Variants in ZNF235 observed in about 807,000 individuals in gnomAD.
ZNF235 encodes the protein zinc finger protein 235, also known as zfp-93.
ZNF235 carries 25 observed loss-of-function variants against 29.4 expected under a neutral mutation model. That is an observed-to-expected ratio of 0.85 (90% CI 0.62 to 1.19). The LOEUF is 1.19. Ranked by LOEUF, ZNF235 falls within the 50% of genes most tolerant of loss-of-function variation. The probability of loss-of-function intolerance (pLI) is 0.00; values close to 1 mark genes in which losing one functional copy is unlikely to be tolerated. For missense variants in ZNF235, 788 were observed against 885.0 expected, an observed-to-expected ratio of 0.89 and a Z score of 1.39; for synonymous variants, 300 against 295.3, an observed-to-expected ratio of 1.02 and a Z score of -0.16.
intron 4 of ZNF235, among the ~76,000 whole-genome samples, chr19:44,291,480 G>T (rs978766389): frequency 1.3e-5 from 2 of 152,096 alleles, no homozygotes; most frequent in East Asian, 3.9e-4. Flanking sequence ...AAAACAAATA[G>T]CTAGTTCTTT....
In ZNF235 at chr19:44,288,331, A is replaced by C. The variant is rs1339658129; in HGVS notation, c.1104T>G (p.Ile368Met). 6.2e-7 allele frequency: 1 copy of C among 1,613,850 alleles called. No homozygotes were observed. The highest frequency in any genetic ancestry group is 8.5e-7 in the Non-Finnish European group (1 of 1,179,984). ...QSSHLYAHLP[I>M]HTGEKPYRCD... ...ATCTATAGGGCTTCTCTCCTGTGTG[A>C]ATAGGCAAATGAGCATAAAGATGTG... Residue 368 changes from isoleucine to methionine, a missense_variant, in exon 5 of 5, where the codon ATT (isoleucine) becomes ATG (methionine). Ile to Met is a conservative substitution (Grantham distance 10). Coordinates refer to ENST00000291182, the MANE Select transcript of ZNF235 (RefSeq NM_004234.4).
chr19:44,287,953 C>T lies in ZNF235; in HGVS notation c.1482G>A (p.Lys494=). 6.2e-7 allele frequency: 1 copy of T among 1,614,164 alleles called. No homozygotes were observed. The highest frequency in any genetic ancestry group is 1.1e-5 in the South Asian group (1 of 91,086). The part of the protein sequence containing the change: ...EKPYKCEECG[K]GFSSASSFQS... ...GGAAACTTGAGGCTGAACTAAAACC[C>T]TTACCACACTCTTCACATTTATATG... Residue 494 remains lysine (K), a synonymous_variant, in exon 5 of 5, where the codon AAG becomes AAA. Coordinates refer to ENST00000291182, the MANE Select transcript of ZNF235 (RefSeq NM_004234.4).
chr19:44,302,870 ATT>A (rs1424259677), intron 2 of ZNF235, among the ~76,000 whole-genome samples: 1 of 64,742 alleles, frequency 1.5e-5, no homozygotes, highest in Admixed American at 1.6e-4. Context: ...ACTTATATAT[ATT>A]TGTATGTGTT....
At position 44,299,456 on chromosome 19, in the gene ZNF235, C is replaced by T. The variant is rs549075519; in HGVS notation, c.142+150G>A. On this transcript the variant is annotated intron_variant, in intron 3 of 4. Coordinates refer to ENST00000291182, the MANE Select transcript of ZNF235 (RefSeq NM_004234.4). Reference sequence around the variant, plus strand: ...CTCTAGTCTCTGAGCAGTCCCAAAGCCTTGAACAAGGGGACAGAGGCCAGG... The same window carrying T: ...CTCTAGTCTCTGAGCAGTCCCAAAGTCTTGAACAAGGGGACAGAGGCCAGG... 29 of 926,572 alleles carry T rather than the reference C, an allele frequency of 3.1e-5. No individual in the cohort carries two copies. In the East Asian group the frequency reaches 6.5e-4, roughly 21 times the overall value. The allele number at this position is 926,572 out of a possible 1,614,324, so 57.4% of individuals were successfully genotyped here.
chr19:44,299,673 C>T lies in ZNF235; in HGVS notation c.75G>A (p.Leu25=). The change falls in exon 3 of 5, where the codon CTG becomes CTA. Residue 25 remains leucine, a synonymous_variant. Coordinates refer to ENST00000291182, the MANE Select transcript of ZNF235 (RefSeq NM_004234.4). ...GGTACAGCTTCCTCTGGGCAGAGTCCAGCAGCCCCAGCTCCTCCTCAGTGA... is the reference window on the plus strand; with the variant it reads ...GGTACAGCTTCCTCTGGGCAGAGTCTAGCAGCCCCAGCTCCTCCTCAGTGA... ...VAFTEEELGL[L]DSAQRKLYRD... is the part of the protein sequence containing the mutation. 1 of 1,614,116 alleles carries T rather than the reference C, an allele frequency of 6.2e-7. No individual in the cohort carries two copies. Among genetic ancestry groups the T allele is most frequent in the Non-Finnish European group, 8.5e-7 (1 of 1,180,008 alleles).
At chr19:44,291,154 C>T (rs1975579512) in intron 4 of ZNF235, among the ~76,000 whole-genome samples, 1 of 152,018 alleles carries the variant, frequency 6.6e-6, no homozygotes, top group African/African-American at 2.4e-5. Flanking sequence ...ATATTCTAGG[C>T]CATAAAACAA....
chr19:44,287,851 T>A lies in ZNF235; in HGVS notation c.1584A>T (p.Ser528=). Residue 528 remains serine, a synonymous_variant, in exon 5 of 5, where the codon TCA becomes TCT. Transcript: ENST00000291182. ...NVCGKGFSQS[S]YFQAHQRVHT... is the part of the protein sequence containing the mutation. ...GGACTCTCTGATGTGCTTGAAAGTA[T>A]GAACTCTGACTGAAGCCTTTCCCAC... 3 of 1,614,058 alleles carry A rather than the reference T, an allele frequency of 1.9e-6. No individual in the cohort carries two copies. Among genetic ancestry groups the A allele is most frequent in the Non-Finnish European group, 2.5e-6 (3 of 1,180,010 alleles).
In ZNF235 at chr19:44,288,766, G is replaced by A. The variant is rs1375201055; in HGVS notation, c.669C>T (p.His223=). ...TTTTGTGCACTATATTATCATCATG[G>A]TGGTGTGAAATACAACTGAAAATGT... is the stretch of plus-strand genomic sequence containing the variant. ...YVDIFSCISH[H]HDDNIVHKRD... The change falls in exon 5 of 5, where the codon CAC becomes CAT. Residue 223 remains histidine, a synonymous_variant. Transcript: ENST00000291182. The A allele has an allele frequency of 1.9e-6, 3 of 1,613,906 alleles. No homozygotes were observed. Among genetic ancestry groups the A allele is most frequent in the East Asian group, 2.2e-5 (1 of 44,870 alleles).
intron 4 of ZNF235, among the ~76,000 whole-genome samples, chr19:44,298,206 G>A (rs1975681938): frequency 6.6e-6 from 1 of 152,160 alleles, no homozygotes; most frequent in Non-Finnish European, 1.5e-5. Context: ...TGATGCAGAT[G>A]TCATATCTGA....
intron 2 of ZNF235, among the ~76,000 whole-genome samples, chr19:44,301,296 G>A (rs1310768015): frequency 6.6e-6 from 1 of 151,960 alleles, no homozygotes; most frequent in Non-Finnish European, 1.5e-5. Flanking sequence ...CATTTGTTTT[G>A]GCTGGAGTTC....
chr19:44,287,791 A>C lies in ZNF235; in HGVS notation c.1644T>G (p.Cys548Trp). 2 of 1,613,926 alleles carry C rather than the reference A, an allele frequency of 1.2e-6. No homozygotes were observed. Among genetic ancestry groups the C allele is most frequent in the Non-Finnish European group, 1.7e-6 (2 of 1,179,986 alleles). ...TGEKPYKCEVCGKRFNWSLNL... is the reference protein window; with the variant it reads ...TGEKPYKCEVWGKRFNWSLNL... ...TCAAGCTCCAATTGAAGCGCTTCCCACACACTTCACATTTGTATGGTTTTT... is the reference window on the plus strand; with the variant it reads ...TCAAGCTCCAATTGAAGCGCTTCCCCCACACTTCACATTTGTATGGTTTTT... The change falls in exon 5 of 5, where the codon TGT becomes TGG. Residue 548 changes from cysteine to tryptophan, a missense_variant. Physicochemically the swap from Cys to Trp is radical, Grantham distance 215. Coordinates refer to ENST00000291182, the MANE Select transcript of ZNF235 (RefSeq NM_004234.4).
Position 44,288,084 on chromosome 19 carries a change from T to G in ZNF235, c.1351A>C (p.Arg451=). 2 of 1,614,206 alleles carry G rather than the reference T, an allele frequency of 1.2e-6. No individual in the cohort carries two copies. Among genetic ancestry groups the G allele is most frequent in the Non-Finnish European group, 1.7e-6 (2 of 1,180,032 alleles). Residue 451 remains arginine (R), a synonymous_variant, in exon 5 of 5, where the codon AGA becomes CGA. Transcript: ENST00000291182. ...SCSSNLHTHQ[R]VHTEEKPYKC... ...TATGGTTTTTCTTCAGTGTGGACTC[T>G]CTGATGGGTATGAAGATTTGAGCTA...
In ZNF235 at chr19:44,288,090, G is replaced by C. The variant is rs1234572655; in HGVS notation, c.1345C>G (p.His449Asp). ...RFSCSSNLHT[H>D]QRVHTEEKPY... ...TTTTCTTCAGTGTGGACTCTCTGAT[G>C]GGTATGAAGATTTGAGCTACAACTA... Residue 449 changes from histidine to aspartate, a missense_variant, in exon 5 of 5, where the codon CAT becomes GAT. Physicochemically the swap from His to Asp is moderately conservative, Grantham distance 81. Coordinates refer to ENST00000291182, the MANE Select transcript of ZNF235 (RefSeq NM_004234.4). The C allele has an allele frequency of 6.2e-7, 1 of 1,614,128 alleles. No homozygotes were observed. The highest frequency in any genetic ancestry group is 8.5e-7 in the Non-Finnish European group (1 of 1,180,030).
intron 2 of ZNF235, among the ~76,000 whole-genome samples, chr19:44,302,913 C>T (rs1158367224): frequency 2.3e-5 from 3 of 130,392 alleles, no homozygotes; most frequent in Non-Finnish European, 3.1e-5. Flanking sequence ...TAAATATATA[C>T]GTATATATTT....
intron 4 of ZNF235, among the ~76,000 whole-genome samples, chr19:44,295,313 C>T (rs190386347): frequency 6.1e-4 from 93 of 151,756 alleles, no homozygotes; most frequent in African/African-American, 2.1e-3. Context: ...AGGCTAAAAA[C>T]CAAATCAAGA....
rs1282993290 is a variant in ZNF235, at chr19:44,287,343, A to T, written c.2092T>A (p.Phe698Ile). 7 of 1,612,532 alleles carry T rather than the reference A, an allele frequency of 4.3e-6. No homozygotes were observed. Among genetic ancestry groups the T allele is most frequent in the Non-Finnish European group, 5.9e-6 (7 of 1,179,532 alleles). ...CGKGFSQASH[F>I]HTHQRVHTGE... ...GTGTGGACTCTCTGGTGTGTGTGAAAATGTGAGGCCTGACTGAAGCCCTTC... is the reference window on the plus strand; with the variant it reads ...GTGTGGACTCTCTGGTGTGTGTGAATATGTGAGGCCTGACTGAAGCCCTTC... The change falls in exon 5 of 5, where the codon TTT becomes ATT. Residue 698 changes from phenylalanine to isoleucine, a missense_variant. Physicochemically the swap from Phe to Ile is conservative, Grantham distance 21. Transcript: ENST00000291182.
chr19:44,288,748 C>T lies in ZNF235; in HGVS notation c.687G>A (p.Val229=), dbSNP rs760467084. 3 of 1,613,950 alleles carry T rather than the reference C, an allele frequency of 1.9e-6. No homozygotes were observed. Among genetic ancestry groups the T allele is most frequent in the Non-Finnish European group, 2.5e-6 (3 of 1,179,960 alleles). ...TGCTATGAACTTTATCTCTTTTGTG[C>T]ACTATATTATCATCATGGTGGTGTG... is the stretch of plus-strand genomic sequence containing the variant. The part of the protein sequence containing the change: ...CISHHHDDNI[V]HKRDKVHSNS... Residue 229 remains valine (V), a synonymous_variant, in exon 5 of 5, where the codon GTG becomes GTA. Transcript: ENST00000291182.
chr19:44,296,441 A>T (rs1044874139), intron 4 of ZNF235, among the ~76,000 whole-genome samples: 7 of 152,228 alleles, frequency 4.6e-5, no homozygotes, highest in Non-Finnish European at 1.0e-4. Context: ...GTCAATTTTC[A>T]TTAACAGAAA....
intron 2 of ZNF235, among the ~76,000 whole-genome samples, chr19:44,301,376 G>A (rs966602158): frequency 1.3e-5 from 2 of 152,112 alleles, no homozygotes; most frequent in African/African-American, 4.8e-5. Flanking sequence ...AAGGGAATCT[G>A]GTGAAGAGCA....
Sources: gnomAD v4.1 joint callset for allele counts (sites outside exome capture counted in the v4.1 genomes callset) on GRCh38, gnomAD v4.1.1 for gene constraint, MANE v1.5 for transcripts, NCBI Gene and HGNC (gene_info 2026-07-23, HGNC 2026-07-21) for gene names.